MYT1L: variants seen among roughly 807,000 people sequenced by gnomAD.
MYT1L encodes myelin transcription factor 1 like.
Under a neutral mutation model 126.7 loss-of-function variants are expected in MYT1L, and 12 were observed. That is an observed-to-expected ratio of 0.09 (90% CI 0.06 to 0.15). MYT1L has a LOEUF of 0.15. Among genes scored for constraint, MYT1L ranks in the 10% least tolerant of loss-of-function variants. The pLI is 1.00. For synonymous variants in MYT1L, 541 were observed against 604.2 expected, an observed-to-expected ratio of 0.90 and a Z score of 1.53; for missense variants, 979 against 1,585.2, an observed-to-expected ratio of 0.62 and a Z score of 6.49.
chr2:1,844,759 A>G (rs1476852579), intron 19 of MYT1L, among the ~76,000 whole-genome samples: 1 of 152,132 alleles, frequency 6.6e-6, no homozygotes, highest in African/African-American at 2.4e-5. Flanking sequence ...TGCACTTGTG[A>G]TCCCTTCTTT....
chr2:2,206,971 C>A (rs1403318160), intron 2 of MYT1L, among the ~76,000 whole-genome samples: 1 of 152,362 alleles, frequency 6.6e-6, no homozygotes, highest in East Asian at 1.9e-4. Context: ...ATGGAGAAAG[C>A]ATTCCTGCTA....
chr2:2,091,533 A>G (rs930771928), intron 3 of MYT1L, among the ~76,000 whole-genome samples: 13 of 152,182 alleles, frequency 8.5e-5, no homozygotes, highest in African/African-American at 3.1e-4. Flanking sequence ...TTTTGAAATG[A>G]TATGTAAGCA....
intron 21 of MYT1L, among the ~76,000 whole-genome samples, chr2:1,814,076 C>T (rs2037243604): frequency 6.6e-6 from 1 of 151,764 alleles, no homozygotes; most frequent in South Asian, 2.1e-4. Context: ...AAACCGGTCC[C>T]TTGTGCCAAA....
At chr2:1,906,851 G>A (rs1431835840) in intron 13 of MYT1L, among the ~76,000 whole-genome samples, 1 of 151,848 alleles carries the variant, frequency 6.6e-6, no homozygotes, top group African/African-American at 2.4e-5. Context: ...GCTGAGCCAG[G>A]AGGATCACTT....
intron 18 of MYT1L, among the ~76,000 whole-genome samples, chr2:1,859,982 C>T (rs941866069): frequency 1.3e-5 from 2 of 152,250 alleles, no homozygotes; most frequent in Non-Finnish European, 2.9e-5. Flanking sequence ...GCCACGGCAG[C>T]GTCACTGTCC....
chr2:1,996,370 T>G lies in MYT1L; in HGVS notation c.-1+821A>C, dbSNP rs181669146. On this transcript the variant is annotated intron_variant, in intron 5 of 24. Transcript: ENST00000647738. ...CAGAACCGAGTGTAGACGGGCCACC[T>G]TTACCTAGTGAGTGAGGGCCGTCTT... Among the ~76,000 whole-genome samples the G allele has an allele frequency of 1.5e-3, 223 of 151,614 alleles. 1 individual carries two copies. Among genetic ancestry groups the G allele is most frequent in the Non-Finnish European group, 1.9e-3 (129 of 67,920 alleles).
intron 2 of MYT1L, among the ~76,000 whole-genome samples, chr2:2,218,599 A>G (rs551867118): frequency 6.6e-6 from 1 of 152,322 alleles, no homozygotes; most frequent in South Asian, 2.1e-4. Flanking sequence ...ACAAAGGAGC[A>G]TGGGGAAACC....
chr2:1,897,449 ACTT>A (rs2049745706), intron 14 of MYT1L, among the ~76,000 whole-genome samples: 1 of 146,658 alleles, frequency 6.8e-6, no homozygotes, highest in Non-Finnish European at 1.5e-5. Flanking sequence ...CGCAAACAAA[ACTT>A]TTTTTTTTTT....
intron 4 of MYT1L, among the ~76,000 whole-genome samples, chr2:2,018,923 C>A (rs2064734247): frequency 6.6e-6 from 1 of 152,118 alleles, no homozygotes; most frequent in Admixed American, 6.5e-5. Context: ...TTACATAGAG[C>A]TGGGGGAGCC....
At chr2:2,143,404 C>T (rs2084347662) in intron 3 of MYT1L, among the ~76,000 whole-genome samples, 1 of 151,986 alleles carries the variant, frequency 6.6e-6, no homozygotes, top group Non-Finnish European at 1.5e-5. Context: ...GGTGGTCGGT[C>T]ACTCTATGTG....
chr2:1,816,733 G>A (rs1055596494), intron 21 of MYT1L: 5 of 152,776 alleles, frequency 3.3e-5, no homozygotes, highest in Non-Finnish European at 5.9e-5. Flanking sequence ...CTTCTTTCAA[G>A]GCCACTGAGT....
intron 23 of MYT1L, chr2:1,795,686 C>A (rs1043948286): frequency 1.3e-5 from 2 of 152,196 alleles, no homozygotes; most frequent in African/African-American, 2.4e-5. Flanking sequence ...GTCTGCATTT[C>A]CAGAAACATC....
chr2:2,050,022 A>T lies in MYT1L; in HGVS notation c.-158+3956T>A, dbSNP rs150124650. On this transcript the variant is annotated intron_variant, in intron 4 of 24. Coordinates refer to ENST00000647738, the MANE Select transcript of MYT1L (RefSeq NM_001303052.2). Reference sequence around the variant, plus strand: ...TCATAGGGGGTTTTTTGACGATGAAATGAGACATGGTGAGTGGCACTTTTA... The same window carrying T: ...TCATAGGGGGTTTTTTGACGATGAATTGAGACATGGTGAGTGGCACTTTTA... 2.2e-4 allele frequency among the ~76,000 whole-genome samples: 34 copies of T among 152,182 alleles called. 1 individual carries two copies. The East Asian group carries it at 4.8e-3, about 22-fold the overall frequency.
intron 3 of MYT1L, among the ~76,000 whole-genome samples, chr2:2,071,181 G>A (rs890998162): frequency 6.6e-6 from 1 of 152,140 alleles, no homozygotes; most frequent in Non-Finnish European, 1.5e-5. Context: ...ACTAACTGGG[G>A]AAAAGCCAAT....
chr2:1,920,201 A>T (rs6746505), intron 10 of MYT1L, among the ~76,000 whole-genome samples: 110,400 of 152,096 alleles, frequency 0.73, 41,666 homozygotes, highest in East Asian at 0.94. Context: ...TTTCCTCCCA[A>T]GAGGGAAAAA....
At chr2:2,262,937 G>A (rs370262127) in intron 2 of MYT1L, among the ~76,000 whole-genome samples, 1,126 of 36,702 alleles carry the variant, frequency 0.031, 210 homozygotes, top group African/African-American at 0.12. Context: ...TATATAACCT[G>A]TGATATATAT....
rs2059034 is a variant in MYT1L at position 2,097,981 on chromosome 2, T to C, written c.-303-43858A>G. 5.6e-3 allele frequency among the ~76,000 whole-genome samples: 858 copies of C among 152,310 alleles called. 5 individuals are homozygous for C. Among genetic ancestry groups the C allele is most frequent in the African/African-American group, 0.02 (820 of 41,554 alleles). On this transcript the variant is annotated intron_variant, in intron 3 of 24. Transcript: ENST00000647738. ...GTGTAAAAGTGTGGCACCTCCCCGC[T>C]TGCCCTCTTGCTTCCACTCTTGCCA...
At chr2:2,086,707 G>C (rs967191821) in intron 3 of MYT1L, among the ~76,000 whole-genome samples, 1 of 152,134 alleles carries the variant, frequency 6.6e-6, no homozygotes, top group Non-Finnish European at 1.5e-5. Flanking sequence ...CGCTCTCTTA[G>C]CTGCTCTCTG....
At chr2:2,220,489 A>G (rs1436669517) in intron 2 of MYT1L, among the ~76,000 whole-genome samples, 2 of 152,184 alleles carry the variant, frequency 1.3e-5, no homozygotes, top group East Asian at 3.9e-4. Context: ...CTGCCCTTAG[A>G]GACAACAGAT....
Sources: gnomAD v4.1 joint callset for allele counts (sites outside exome capture counted in the v4.1 genomes callset) on GRCh38, gnomAD v4.1.1 for gene constraint, MANE v1.5 for transcripts, NCBI Gene and HGNC (gene_info 2026-07-23, HGNC 2026-07-21) for gene names.